SAXO1: variants seen among roughly 807,000 people sequenced by gnomAD.
The protein encoded by SAXO1 is stabilizer of axonemal microtubules 1.
In SAXO1, 21 loss-of-function variants were observed where a neutral mutation model predicts 17.5. That is an observed-to-expected ratio of 1.20 (90% CI 0.85 to 1.72). The LOEUF is 1.72. SAXO1 is among the 40% of genes most tolerant of loss of function. The probability of loss-of-function intolerance (pLI) is 0.00; values close to 1 mark genes in which losing one functional copy is unlikely to be tolerated. For synonymous variants in SAXO1, 274 were observed against 216.5 expected (o/e 1.27, Z -2.33); for missense variants, 843 against 596.0 (o/e 1.41, Z -4.32).
At chr9:19,029,046 G>C (rs1835641919) in intron 1 of SAXO1, among the ~76,000 whole-genome samples, 1 of 152,164 alleles carries the variant, frequency 6.6e-6, no homozygotes, top group Non-Finnish European at 1.5e-5. Context: ...CTGCCATCTT[G>C]TGGCCAAATA....
At chr9:18,980,034 C>T (rs752867332) in intron 1 of SAXO1, among the ~76,000 whole-genome samples, 4 of 151,948 alleles carry the variant, frequency 2.6e-5, no homozygotes, top group South Asian at 2.1e-4. Context: ...CTTTCTGAAA[C>T]GGGGTGTTTA....
In SAXO1 at chr9:18,951,941, A is replaced by T. The variant is rs77482433; in HGVS notation, c.39-1004T>A. On this transcript the variant is annotated intron_variant, in intron 1 of 3. Transcript: ENST00000380534. ...TTATTGAATGAAAGACTGAGTGTAT[A>T]CGTGAATAATTAAATAAACTTTATA... Among the ~76,000 whole-genome samples the T allele has an allele frequency of 1.2e-3, 188 of 152,356 alleles. 2 individuals carry two copies. In the East Asian group the frequency reaches 0.034, roughly 27 times the overall value.
intron 1 of SAXO1, among the ~76,000 whole-genome samples, chr9:18,985,303 G>T (rs1487455209): frequency 6.6e-6 from 1 of 152,140 alleles, no homozygotes; most frequent in Non-Finnish European, 1.5e-5. Context: ...GCTTGAAACA[G>T]TGTGAGAATT....
chr9:18,948,296 C>G (rs1831879868), intron 2 of SAXO1, among the ~76,000 whole-genome samples: 1 of 152,164 alleles, frequency 6.6e-6, no homozygotes, highest in Non-Finnish European at 1.5e-5. Context: ...AAAGAGAACA[C>G]AGATGTCTTC....
chr9:18,927,806 T>G lies in SAXO1; in HGVS notation c.*246A>C. 2.4e-6 allele frequency: 1 copy of G among 422,986 alleles called. No individual in the cohort carries two copies. The highest frequency in any genetic ancestry group is 3.5e-5 in the East Asian group (1 of 28,548). The allele number at this position is 422,986 out of a possible 1,614,324, so 26.2% of individuals were successfully genotyped here. On this transcript the variant is annotated 3_prime_UTR_variant, in exon 4 of 4. Coordinates refer to ENST00000380534, the MANE Select transcript of SAXO1 (RefSeq NM_153707.4). The stretch of plus-strand genomic sequence containing the variant: ...CAACTTTGATTCCATAAGCACAAAG[T>G]AAAGGACCTGAAACGGGGTGGGGAT...
intron 1 of SAXO1, among the ~76,000 whole-genome samples, chr9:18,962,925 G>A (rs1832548271): frequency 6.6e-6 from 1 of 152,138 alleles, no homozygotes; most frequent in African/African-American, 2.4e-5. Context: ...GGTTTTTATG[G>A]TTTTACGTCT....
chr9:18,933,426 T>C (rs531613113), intron 3 of SAXO1, among the ~76,000 whole-genome samples: 1 of 152,392 alleles, frequency 6.6e-6, no homozygotes, highest in East Asian at 1.9e-4. Context: ...AATATCTTTT[T>C]AATGATTTAA....
At chr9:18,966,076 C>A (rs1832704481) in intron 1 of SAXO1, among the ~76,000 whole-genome samples, 1 of 152,206 alleles carries the variant, frequency 6.6e-6, no homozygotes, top group Non-Finnish European at 1.5e-5. Flanking sequence ...CTGGCCTCCA[C>A]TCTCTTCTGG....
intron 1 of SAXO1, among the ~76,000 whole-genome samples, chr9:18,969,058 G>GT (rs4007662): frequency 0.024 from 3,480 of 147,140 alleles, 78 homozygotes; most frequent in African/African-American, 0.063. Context: ...TCTTTTTGCA[G>GT]TTTTTTTTTT....
chr9:19,033,501 A>G (rs943510939), upstream of SAXO1, among the ~76,000 whole-genome samples: 4 of 152,244 alleles, frequency 2.6e-5, no homozygotes, highest in East Asian at 3.8e-4. Context: ...TCTAGGATCC[A>G]TGGTGCCCCC....
At chr9:19,016,652 G>A (rs556025679) in intron 1 of SAXO1, among the ~76,000 whole-genome samples, 1 of 151,924 alleles carries the variant, frequency 6.6e-6, no homozygotes, top group South Asian at 2.1e-4. Context: ...CACAGGACAG[G>A]CCCCACAACA....
intron 1 of SAXO1, among the ~76,000 whole-genome samples, chr9:18,980,992 G>C (rs1189170332): frequency 2.0e-5 from 3 of 152,052 alleles, no homozygotes; most frequent in African/African-American, 7.2e-5. Flanking sequence ...GGAATAAATT[G>C]ACGCACGGAT....
Position 19,012,522 on chromosome 9 carries a change from TG to T in SAXO1, c.38+20348del, listed in dbSNP as rs374414167. ...ATATGTCAATGTGGCACGAACCATATGGGGGACGGTGGGCACAGAGTTAGAT... is the reference window on the plus strand; with the variant it reads ...ATATGTCAATGTGGCACGAACCATATGGGGACGGTGGGCACAGAGTTAGAT... On this transcript the variant is annotated intron_variant, in intron 1 of 3. Transcript: ENST00000380534. Among the ~76,000 whole-genome samples, 6 of 152,300 alleles carry T rather than the reference TG, an allele frequency of 3.9e-5. No homozygotes were observed. The East Asian group carries it at 7.7e-4, about 20-fold the overall frequency.
chr9:19,005,273 A>T (rs945876882), intron 1 of SAXO1, among the ~76,000 whole-genome samples: 1 of 152,166 alleles, frequency 6.6e-6, no homozygotes, highest in Admixed American at 6.5e-5. Context: ...AGAAAATCCT[A>T]TTCTGAAGTT....
At chr9:19,006,279 C>A (rs974912621) in intron 1 of SAXO1, among the ~76,000 whole-genome samples, 15 of 152,116 alleles carry the variant, frequency 9.9e-5, no homozygotes, top group Admixed American at 3.3e-4. Context: ...GGTATGTATC[C>A]AAAAGAACTG....
chr9:18,941,188 G>C lies in SAXO1; in HGVS notation c.421+449C>G, dbSNP rs1043447855. ...ACTTGAAATGCTTCCCCCAATATAG[G>C]ATTCAAACTGCAAGCTAAGGCAGGG... On this transcript the variant is annotated intron_variant, in intron 3 of 3. Coordinates refer to ENST00000380534, the MANE Select transcript of SAXO1 (RefSeq NM_153707.4). Among the ~76,000 whole-genome samples the C allele has an allele frequency of 2.6e-5, 4 of 152,030 alleles. No homozygotes were observed. In the South Asian group the frequency reaches 8.3e-4, roughly 32 times the overall value.
intron 1 of SAXO1, among the ~76,000 whole-genome samples, chr9:19,003,562 T>C (rs1391141244): frequency 6.6e-6 from 1 of 152,104 alleles, no homozygotes; most frequent in African/African-American, 2.4e-5. Flanking sequence ...ACAAATGGAA[T>C]AGAACAGAGG....
chr9:18,943,219 G>A (rs981204736), intron 2 of SAXO1, among the ~76,000 whole-genome samples: 5 of 152,216 alleles, frequency 3.3e-5, no homozygotes, highest in African/African-American at 1.2e-4. Context: ...GGAAATGGGA[G>A]ATGCTTCAGT....
At position 19,033,077 on chromosome 9, in the gene SAXO1, T is replaced by C. The variant is rs369716528; in HGVS notation, c.-169A>G. The C allele has an allele frequency of 1.6e-6, 1 of 634,142 alleles. No homozygotes were observed. The allele number at this position is 634,142 out of a possible 1,614,324, so 39.3% of individuals were successfully genotyped here. A position where few individuals can be genotyped will look rare whatever the true frequency, so the allele number is the denominator to read the frequency against. On this transcript the variant is annotated 5_prime_UTR_variant, in exon 1 of 4. Transcript: ENST00000380534. ...CCCTTTTGCAATGTCCTGTCGTCTG[T>C]TGCCCTCCTGGAGCTGGCCTAGCGC...
Sources: allele counts gnomAD v4.1 joint callset (sites outside exome capture counted in the v4.1 genomes callset), GRCh38; gene constraint gnomAD v4.1.1; transcripts MANE v1.5; gene names NCBI Gene and HGNC (gene_info 2026-07-23, HGNC 2026-07-21).